PDE11A: variants seen among roughly 807,000 people sequenced by gnomAD.
PDE11A encodes phosphodiesterase 11A, also known as dual 3',5'-cyclic-AMP and -GMP phosphodiesterase 11A.
PDE11A carries 100 observed loss-of-function variants against 100.5 expected under a neutral mutation model. The ratio of observed to expected loss-of-function variants is 1.00; its 90% confidence interval spans 0.85 to 1.18. The LOEUF is 1.18. PDE11A is among the 50% of genes most tolerant of loss of function. PDE11A has a pLI of 0.00. For missense variants in PDE11A, 1,141 were observed against 1,152.6 expected, an observed-to-expected ratio of 0.99 and a Z score of 0.15; for synonymous variants, 381 against 420.8, an observed-to-expected ratio of 0.91 and a Z score of 1.16.
intron 19 of PDE11A, among the ~76,000 whole-genome samples, chr2:177,631,629 G>GTA (rs1203198350): frequency 9.1e-5 from 10 of 109,312 alleles, no homozygotes; most frequent in South Asian, 3.1e-4. Context: ...ATATGTGTGT[G>GTA]TATATATATA....
intron 2 of PDE11A, among the ~76,000 whole-genome samples, chr2:177,952,314 T>C (rs17401902): frequency 0.075 from 11,355 of 152,284 alleles, 420 homozygotes; most frequent in South Asian, 0.094. Flanking sequence ...GTAATTGCAC[T>C]TTGATTTCTC....
chr2:178,089,389 G>A (rs2087394520), intron 2 of PDE11A, among the ~76,000 whole-genome samples: 1 of 152,192 alleles, frequency 6.6e-6, no homozygotes. Flanking sequence ...AAGGTCAAGT[G>A]GAGCTTATAG....
At chr2:177,957,946 G>A (rs918706845) in intron 2 of PDE11A, among the ~76,000 whole-genome samples, 23 of 109,332 alleles carry the variant, frequency 2.1e-4, no homozygotes, top group Non-Finnish European at 3.8e-4. Context: ...TGTTGCCCAG[G>A]CTGGAGTGCA....
intron 10 of PDE11A, among the ~76,000 whole-genome samples, chr2:177,746,373 C>T (rs2081947584): frequency 6.6e-6 from 1 of 151,878 alleles, no homozygotes; most frequent in East Asian, 1.9e-4. Flanking sequence ...GGAACAAACA[C>T]CAGAAATTCC....
At chr2:177,969,439 A>T (rs1399481019) in intron 2 of PDE11A, among the ~76,000 whole-genome samples, 1 of 152,272 alleles carries the variant, frequency 6.6e-6, no homozygotes, top group East Asian at 1.9e-4. Flanking sequence ...AAAATAATAA[A>T]AAAAAACTCT....
intron 9 of PDE11A, among the ~76,000 whole-genome samples, chr2:177,796,895 G>T (rs2082714964): frequency 6.6e-6 from 1 of 152,150 alleles, no homozygotes; most frequent in African/African-American, 2.4e-5. Flanking sequence ...AGCTGCTGGA[G>T]CCCAACAGAG....
At chr2:177,793,862 C>T (rs566607478) in intron 9 of PDE11A, among the ~76,000 whole-genome samples, 1 of 152,310 alleles carries the variant, frequency 6.6e-6, no homozygotes, top group East Asian at 1.9e-4. Flanking sequence ...CCATCTGAAG[C>T]TGCAGATAGT....
At chr2:177,831,023 G>T (rs1051379942) in intron 6 of PDE11A, among the ~76,000 whole-genome samples, 25 of 152,102 alleles carry the variant, frequency 1.6e-4, no homozygotes, top group Admixed American at 6.6e-5. Context: ...AAAGAGTCTG[G>T]CCTTAAAACC....
chr2:177,860,237 G>A (rs2083922979), intron 5 of PDE11A, among the ~76,000 whole-genome samples: 1 of 150,732 alleles, frequency 6.6e-6, no homozygotes, highest in South Asian at 2.1e-4. Flanking sequence ...AAAAAAGAGA[G>A]AAGTCTCAAA....
At chr2:177,961,637 G>A (rs1378497186) in intron 2 of PDE11A, among the ~76,000 whole-genome samples, 6 of 151,276 alleles carry the variant, frequency 4.0e-5, no homozygotes, top group African/African-American at 1.5e-4. Context: ...TTATGTTTTG[G>A]TCTTTATTAT....
At chr2:178,101,812 C>G (rs1559072126) in intron 2 of PDE11A, among the ~76,000 whole-genome samples, 1 of 151,976 alleles carries the variant, frequency 6.6e-6, no homozygotes. Flanking sequence ...TTTGCACTTC[C>G]CAAATACAAT....
intron 6 of PDE11A, among the ~76,000 whole-genome samples, chr2:177,838,815 C>T (rs2083444305): frequency 6.6e-6 from 1 of 152,184 alleles, no homozygotes; most frequent in Non-Finnish European, 1.5e-5. Flanking sequence ...TAGTAGTGTT[C>T]TACCTTACCA....
chr2:177,927,032 C>A (rs1480009345), intron 2 of PDE11A: 1 of 152,230 alleles, frequency 6.6e-6, no homozygotes, highest in Non-Finnish European at 1.5e-5. Flanking sequence ...CCAGCAACTC[C>A]CTACTGCCTT....
At chr2:177,731,184 G>A (rs975270625) in intron 10 of PDE11A, among the ~76,000 whole-genome samples, 5 of 151,998 alleles carry the variant, frequency 3.3e-5, no homozygotes, top group Admixed American at 6.6e-5. Flanking sequence ...TTCATCAATC[G>A]TTTCATCTCT....
intron 1 of PDE11A, among the ~76,000 whole-genome samples, chr2:178,067,072 C>A (rs1274676239): frequency 6.6e-6 from 1 of 152,130 alleles, no homozygotes; most frequent in Non-Finnish European, 1.5e-5. Flanking sequence ...TCTGAGTCAT[C>A]ATTGCCCTCC....
At chr2:178,033,506 C>G (rs769061379) in intron 1 of PDE11A, among the ~76,000 whole-genome samples, 13 of 152,144 alleles carry the variant, frequency 8.5e-5, no homozygotes, top group Non-Finnish European at 1.8e-4. Context: ...ACTTCCCCAA[C>G]CTAGCAAGAC....
chr2:178,037,644 G>A lies in PDE11A; in HGVS notation c.913-23184C>T, dbSNP rs1318966542. On this transcript the variant is annotated intron_variant, in intron 1 of 19. Coordinates refer to ENST00000286063, the MANE Select transcript of PDE11A (RefSeq NM_016953.4). ...CCCAAATGCCCATCAATGATAGACT[G>A]GATAAAGAAAATGTGGCACATATAC... Among the ~76,000 whole-genome samples, 3 of 152,246 alleles carry A rather than the reference G, an allele frequency of 2.0e-5. No homozygotes were observed. The East Asian group carries it at 5.8e-4, about 29-fold the overall frequency.
intron 19 of PDE11A, among the ~76,000 whole-genome samples, chr2:177,637,226 C>G (rs1574084854): frequency 6.6e-6 from 1 of 152,188 alleles, no homozygotes; most frequent in East Asian, 1.9e-4. Flanking sequence ...GGTTAAGTGC[C>G]TTGTCCATGG....
chr2:177,842,643 C>T (rs534596703), intron 5 of PDE11A, among the ~76,000 whole-genome samples: 2 of 152,264 alleles, frequency 1.3e-5, no homozygotes, highest in African/African-American at 2.4e-5. Context: ...GTAAGAGACA[C>T]TGAGGATGGG....
Sources: gnomAD v4.1 joint callset for allele counts (sites outside exome capture counted in the v4.1 genomes callset) on GRCh38, gnomAD v4.1.1 for gene constraint, MANE v1.5 for transcripts, NCBI Gene and HGNC (gene_info 2026-07-23, HGNC 2026-07-21) for gene names.